Variants in VDAC2 observed in about 807,000 individuals in gnomAD.
The protein encoded by VDAC2 is non-selective voltage-gated ion channel VDAC2.
In VDAC2, 6 loss-of-function variants were observed where a neutral mutation model predicts 36.6. The ratio of observed to expected loss-of-function variants is 0.16; its 90% confidence interval spans 0.09 to 0.32. The LOEUF (loss-of-function observed/expected upper bound fraction) is 0.32. Ranked by LOEUF, VDAC2 falls within the 10% of genes least tolerant of loss-of-function variation. VDAC2 has a pLI of 1.00. For missense variants in VDAC2, 247 were observed against 346.0 expected (o/e 0.71, Z 2.27); for synonymous variants, 109 against 123.8 (o/e 0.88, Z 0.79).
At chr10:75,217,777 G>A (rs1276722251) in intron 4 of VDAC2, 1 of 559,178 alleles carries the variant, frequency 1.8e-6, no homozygotes, top group African/African-American at 2.0e-5. Flanking sequence ...AAGACCTAAG[G>A]ATTTGTCTCT....
chr10:75,214,846 A>G (rs1002630969), intron 4 of VDAC2, among the ~76,000 whole-genome samples: 2 of 151,532 alleles, frequency 1.3e-5, no homozygotes, highest in African/African-American at 4.9e-5. Context: ...TAAAGAGGTT[A>G]ATATTTTGGT....
chr10:75,211,767 C>A lies in VDAC2; in HGVS notation c.32-463C>A, dbSNP rs1332674832. On this transcript the variant is annotated intron_variant, in intron 2 of 9. Coordinates refer to ENST00000332211, the MANE Select transcript of VDAC2 (RefSeq NM_001391963.1). ...ATATTTAAATTCCCAGTATTAAATT[C>A]TCTTCCCACTCCAGGGTGTTGGTTT... 13 of 1,338,372 alleles carry A rather than the reference C, an allele frequency of 9.7e-6. No individual in the cohort carries two copies. In the East Asian group the frequency reaches 2.3e-4, roughly 23 times the overall value. 82.9% of individuals were successfully genotyped at this position (1,338,372 alleles called of 1,614,324 possible).
chr10:75,224,910 A>C (rs1841910827), intron 8 of VDAC2, among the ~76,000 whole-genome samples: 1 of 152,204 alleles, frequency 6.6e-6, no homozygotes, highest in Non-Finnish European at 1.5e-5. Flanking sequence ...AATCAAGATA[A>C]AGGCTGACAA....
rs1054867456 is a variant in VDAC2, at chr10:75,230,966, C to T, written c.862C>T (p.Leu288Phe). ...TAATGCTGGAGGCCACAAGGTTGGGCTCGCCCTGGAGTTGGAGGCTTAATC... is the reference window on the plus strand; with the variant it reads ...TAATGCTGGAGGCCACAAGGTTGGGTTCGCCCTGGAGTTGGAGGCTTAATC... ...SINAGGHKVG[L>F]ALELEA Residue 288 changes from leucine (L) to phenylalanine (F), a missense_variant, in exon 10 of 10, where the codon CTC becomes TTC. Physicochemically the swap from Leu to Phe is conservative, Grantham distance 22 (BLOSUM62 0). Around this residue, in one of 3 missense-constraint regions of VDAC2, gnomAD observed 159 missense variants for 234.0 expected, o/e 0.68. Coordinates refer to ENST00000332211, the MANE Select transcript of VDAC2 (RefSeq NM_001391963.1). 4 of 1,612,704 alleles carry T rather than the reference C, an allele frequency of 2.5e-6. No homozygotes were observed. The highest frequency in any genetic ancestry group is 1.3e-5 in the African/African-American group (1 of 74,994).
chr10:75,227,181 T>C (rs547128333), intron 8 of VDAC2, among the ~76,000 whole-genome samples: 2 of 152,200 alleles, frequency 1.3e-5, no homozygotes, highest in African/African-American at 4.8e-5. Context: ...CTTTAAAATA[T>C]CCTATATAAC....
intron 2 of VDAC2, chr10:75,211,742 A>G (rs547153297): frequency 6.3e-5 from 94 of 1,487,280 alleles, no homozygotes; most frequent in Non-Finnish European, 8.2e-5. Context: ...CCAAGTTTCA[A>G]TATTTAAATT....
Position 75,214,060 on chromosome 10 carries a change from G to A in VDAC2, c.140G>A (p.Cys47Tyr). The part of the protein sequence containing the change: ...LVKLDVKTKS[C>Y]SGVEFSTSGS... The stretch of plus-strand genomic sequence containing the variant: ...AAACTGGATGTGAAAACAAAGTCTT[G>A]CAGTGGCGTGGTGAGTGTTACTGTT... The change falls in exon 4 of 10, where the codon TGC (cysteine) becomes TAC (tyrosine). Residue 47 changes from cysteine (C) to tyrosine (Y), a missense_variant. Cys to Tyr is a radical substitution (Grantham distance 194, BLOSUM62 -2). Transcript: ENST00000332211. The A allele has an allele frequency of 1.2e-6, 2 of 1,613,134 alleles. No individual in the cohort carries two copies. The highest frequency in any genetic ancestry group is 2.2e-5 in the South Asian group (2 of 91,042).
chr10:75,218,925 C>T (rs1459254835), intron 4 of VDAC2, 138 bp from the exon 5 acceptor site: 10 of 834,828 alleles, frequency 1.2e-5, no homozygotes, highest in Middle Eastern at 3.7e-4. Flanking sequence ...CAGAAGGATA[C>T]GAGTGTTTAG....
At chr10:75,215,502 C>T (rs1422183918) in intron 4 of VDAC2, among the ~76,000 whole-genome samples, 3 of 151,178 alleles carry the variant, frequency 2.0e-5, no homozygotes, top group African/African-American at 7.3e-5. Flanking sequence ...CAGACACGGG[C>T]CACCACGCCC....
chr10:75,216,263 C>G lies in VDAC2; in HGVS notation c.150+2193C>G, dbSNP rs189560289. On this transcript the variant is annotated intron_variant, in intron 4 of 9. Coordinates refer to ENST00000332211, the MANE Select transcript of VDAC2 (RefSeq NM_001391963.1). The stretch of plus-strand genomic sequence containing the variant: ...AGATTCAGTCCTTGTGTTTAAAAAG[C>G]TTACTTTCTAGTTGGAGAGACAAAA... Among the ~76,000 whole-genome samples the G allele has an allele frequency of 2.0e-5, 3 of 152,220 alleles. No individual in the cohort carries two copies. The East Asian group carries it at 5.8e-4, about 29-fold the overall frequency.
intron 4 of VDAC2, among the ~76,000 whole-genome samples, chr10:75,218,408 C>G (rs530535526): frequency 6.6e-6 from 1 of 152,296 alleles, no homozygotes; most frequent in South Asian, 2.1e-4. Flanking sequence ...AGCCACCACA[C>G]TCAGTCCCCC....
chr10:75,215,374 C>T (rs1473591112), intron 4 of VDAC2, among the ~76,000 whole-genome samples: 3 of 147,688 alleles, frequency 2.0e-5, no homozygotes, highest in South Asian at 2.1e-4. Context: ...TTTTTTGAGA[C>T]GGAGTCTTGC....
rs548428614 is a variant in VDAC2 at position 75,215,726 on chromosome 10, T to G, written c.150+1656T>G. On this transcript the variant is annotated intron_variant, in intron 4 of 9. Transcript: ENST00000332211. ...TATTGTAGTTTTTTTGTTTTGTTTT[T>G]TTTTTTTTCCTCTGAGACGCAGTCT... Among the ~76,000 whole-genome samples the G allele has an allele frequency of 9.7e-4, 146 of 150,094 alleles. 1 individual carries two copies. The highest frequency in any genetic ancestry group is 9.3e-3 in the South Asian group (44 of 4,752).
chr10:75,212,163 G>A lies in VDAC2; in HGVS notation c.32-67G>A, dbSNP rs181175347. ...AATTTTAATATCAGCAGTGGGTCAT[G>A]CTCTTGTTCTTGGATAGAAGGTGGG... On this transcript the variant is annotated intron_variant, in intron 2 of 9. Transcript: ENST00000332211. 260 of 1,407,914 alleles carry A rather than the reference G, an allele frequency of 1.8e-4. No homozygotes were observed. In the African/African-American group the frequency reaches 3.1e-3, roughly 17 times the overall value. 87.2% of individuals were successfully genotyped at this position (1,407,914 alleles called of 1,614,324 possible).
At chr10:75,210,400 A>G (rs1006435445), upstream of VDAC2, among the ~76,000 whole-genome samples, 10 of 152,120 alleles carry the variant, frequency 6.6e-5, no homozygotes, top group East Asian at 3.9e-4. Flanking sequence ...TCGGGGGGGA[A>G]CCCGCACCAG....
intron 4 of VDAC2, among the ~76,000 whole-genome samples, chr10:75,216,693 C>T (rs932425571): frequency 1.3e-5 from 2 of 152,126 alleles, no homozygotes; most frequent in Admixed American, 1.3e-4. Context: ...GCTTCCTTGG[C>T]ATGTGTATAT....
At chr10:75,225,250 A>G (rs897445673) in intron 8 of VDAC2, among the ~76,000 whole-genome samples, 2 of 152,258 alleles carry the variant, frequency 1.3e-5, no homozygotes, top group Admixed American at 6.5e-5. Context: ...GAAAGCTGGT[A>G]CAAGATGATA....
intron 2 of VDAC2, 107 bp downstream of exon 2, chr10:75,211,296 G>C: frequency 6.7e-7 from 1 of 1,503,488 alleles, no homozygotes; most frequent in South Asian, 1.2e-5. Flanking sequence ...TGGAAATTCG[G>C]CTGCTTTTGG....
intron 2 of VDAC2, 82 bp downstream of exon 2, chr10:75,211,271 A>G (rs866306852): frequency 4.8e-5 from 75 of 1,547,698 alleles, no homozygotes; most frequent in Middle Eastern, 3.4e-4. Flanking sequence ...GTTTCCCCCT[A>G]TCTTTCCAAG....
Sources: gnomAD v4.1 joint callset for allele counts (sites outside exome capture counted in the v4.1 genomes callset) on GRCh38, gnomAD v4.1.1 for gene constraint, gnomAD v4.1.1 regional missense constraint, MANE v1.5 for transcripts, NCBI Gene and HGNC (gene_info 2026-07-23, HGNC 2026-07-21) for gene names.